KIAA1549: variants seen among roughly 807,000 people sequenced by gnomAD.
KIAA1549 encodes UPF0606 protein KIAA1549.
Under a neutral mutation model 156.4 loss-of-function variants are expected in KIAA1549, and 70 were observed. That is an observed-to-expected ratio of 0.45 (90% CI 0.37 to 0.55). The LOEUF (loss-of-function observed/expected upper bound fraction) is 0.55, where lower values mean the gene tolerates loss of function less well. Among genes scored for constraint, KIAA1549 ranks in the 20% least tolerant of loss-of-function variants. KIAA1549 has a pLI of 0.00. For synonymous variants in KIAA1549, 1,103 were observed against 1,066.4 expected (o/e 1.03, Z -0.67); for missense variants, 2,428 against 2,540.9 (o/e 0.96, Z 0.96).
intron 1 of KIAA1549, among the ~76,000 whole-genome samples, chr7:138,932,655 A>T (rs940214048): frequency 6.6e-6 from 1 of 152,210 alleles, no homozygotes; most frequent in Non-Finnish European, 1.5e-5. Context: ...ACTAGAGTTG[A>T]ACTTGAGATG....
At chr7:138,861,554 TA>T (rs904184749) in intron 15 of KIAA1549, 98 bp from the exon 16 acceptor site, 28 of 1,022,350 alleles carry the variant, frequency 2.7e-5, no homozygotes, top group Admixed American at 6.4e-5. Flanking sequence ...TCATAAGAAT[TA>T]AAAAATGACA....
chr7:138,910,993 C>T (rs1812154462), intron 4 of KIAA1549, among the ~76,000 whole-genome samples, 153 bp downstream of exon 4: 1 of 152,126 alleles, frequency 6.6e-6, no homozygotes, highest in South Asian at 2.1e-4. Flanking sequence ...AATCACACCA[C>T]TGCATTCCAG....
intron 16 of KIAA1549, among the ~76,000 whole-genome samples, chr7:138,856,027 ATTTAT>A (rs1217029838): frequency 2.0e-5 from 3 of 149,142 alleles, no homozygotes; most frequent in African/African-American, 7.5e-5. Context: ...TTTTTTTATT[ATTTAT>A]TTTATTTTTT....
chr7:138,922,193 T>C (rs983898844), intron 1 of KIAA1549, among the ~76,000 whole-genome samples: 5 of 152,248 alleles, frequency 3.3e-5, no homozygotes, highest in African/African-American at 1.2e-4. Context: ...ATCCCGAGTG[T>C]GGAACCTATA....
chr7:138,960,218 T>C (rs1813796215), intron 1 of KIAA1549, among the ~76,000 whole-genome samples: 1 of 152,036 alleles, frequency 6.6e-6, no homozygotes, highest in African/African-American at 2.4e-5. Flanking sequence ...GGAGGATCAC[T>C]TGAGGCCAGG....
intron 12 of KIAA1549, among the ~76,000 whole-genome samples, chr7:138,873,284 G>A (rs1229031551): frequency 6.6e-6 from 1 of 152,168 alleles, no homozygotes; most frequent in Non-Finnish European, 1.5e-5. Flanking sequence ...ACCATTGTCT[G>A]GACTCCAGCT....
chr7:138,866,143 T>C (rs1810732714), intron 15 of KIAA1549, among the ~76,000 whole-genome samples: 1 of 152,186 alleles, frequency 6.6e-6, no homozygotes, highest in Non-Finnish European at 1.5e-5. Flanking sequence ...CAATTCCTCG[T>C]ACTGAGGAAG....
chr7:138,881,220 C>T (rs886162729), intron 11 of KIAA1549, among the ~76,000 whole-genome samples, 168 bp downstream of exon 11: 1 of 152,134 alleles, frequency 6.6e-6, no homozygotes, highest in Admixed American at 6.5e-5. Context: ...GTGAGAGTGG[C>T]TCGGAAACAC....
chr7:138,946,593 A>C (rs1157974244), intron 1 of KIAA1549, among the ~76,000 whole-genome samples: 1 of 152,196 alleles, frequency 6.6e-6, no homozygotes, highest in Non-Finnish European at 1.5e-5. Context: ...CAGCCTGAGC[A>C]ACATGAAGAA....
intron 17 of KIAA1549, among the ~76,000 whole-genome samples, chr7:138,849,428 C>T (rs1011297693): frequency 6.6e-6 from 1 of 152,056 alleles, no homozygotes; most frequent in Non-Finnish European, 1.5e-5. Flanking sequence ...CACCTCACAA[C>T]ATTTGACATG....
chr7:138,868,156 G>A lies in KIAA1549; in HGVS notation c.4776-28C>T, dbSNP rs554570269. 58 of 1,601,276 alleles carry A rather than the reference G, an allele frequency of 3.6e-5. 1 individual carries two copies. The highest frequency in any genetic ancestry group is 7.8e-5 in the South Asian group (7 of 89,340). On this transcript the variant is annotated intron_variant, in intron 14 of 19. Transcript: ENST00000422774. ...GCCAGGAAAAAGAGAAATTATCTTC[G>A]TAGGAAATCACCCTTTTTGCCACTG... is the stretch of plus-strand genomic sequence containing the variant.
chr7:138,852,305 T>C, intron 16 of KIAA1549, 36 bp from the exon 17 acceptor site: 2 of 1,395,394 alleles, frequency 1.4e-6, no homozygotes, highest in Non-Finnish European at 2.0e-6. Flanking sequence ...AGATTAATAT[T>C]CAATACTTAT....
chr7:138,833,260 T>A lies in KIAA1549; in HGVS notation c.*4646A>T. ...CCAGCTTTCCTTCCAAACGACAAAT[T>A]CATTCATGTCTGAGAATCTAGTGTG... is the stretch of plus-strand genomic sequence containing the variant. On this transcript the variant is annotated 3_prime_UTR_variant, in exon 20 of 20. Transcript: ENST00000422774. 4.3e-6 allele frequency: 1 copy of A among 232,716 alleles called. No homozygotes were observed. Among genetic ancestry groups the A allele is most frequent in the Non-Finnish European group, 8.5e-6 (1 of 117,722 alleles). 14.4% of individuals were successfully genotyped at this position (232,716 alleles called of 1,614,324 possible).
intron 1 of KIAA1549, among the ~76,000 whole-genome samples, chr7:138,931,517 C>T (rs1417636184): frequency 6.6e-6 from 1 of 151,312 alleles, no homozygotes; most frequent in Non-Finnish European, 1.5e-5. Context: ...TTTGGGAGGC[C>T]GAGGTGGGTG....
Position 138,869,567 on chromosome 7 carries a change from CACGCTG to C in KIAA1549, c.4740_4745del (p.Ser1581_Val1582del). The stretch of plus-strand genomic sequence containing the variant: ...TCCTGGGCTCTATGAACACGGAGGG[CACGCTG>C]GCCGTGGGGTCCAGGATCTTGTCGA... On this transcript the variant is annotated inframe_deletion, in exon 14 of 20. Transcript: ENST00000422774. 1 of 1,583,912 alleles carries C rather than the reference CACGCTG, an allele frequency of 6.3e-7. No individual in the cohort carries two copies. Among genetic ancestry groups the C allele is most frequent in the Non-Finnish European group, 8.6e-7 (1 of 1,166,356 alleles).
At chr7:138,871,100 A>G (rs1810916855) in intron 13 of KIAA1549, 57 bp downstream of exon 13, 1 of 1,531,836 alleles carries the variant, frequency 6.5e-7, no homozygotes, top group Admixed American at 1.8e-5. Flanking sequence ...TACAGGCATA[A>G]GCCACCGGGC....
At chr7:138,931,776 A>G (rs886340421) in intron 1 of KIAA1549, among the ~76,000 whole-genome samples, 5 of 150,322 alleles carry the variant, frequency 3.3e-5, no homozygotes, top group Admixed American at 2.0e-4. Context: ...AAAAAAAAGA[A>G]GGTCTTGATT....
chr7:138,979,360 T>C (rs1814470918), intron 1 of KIAA1549, among the ~76,000 whole-genome samples: 1 of 152,150 alleles, frequency 6.6e-6, no homozygotes, highest in Non-Finnish European at 1.5e-5. Context: ...ACCTCTGCAG[T>C]ACACCCAGAT....
intron 1 of KIAA1549, among the ~76,000 whole-genome samples, chr7:138,939,404 A>C (rs540571586): frequency 6.6e-6 from 1 of 152,242 alleles, no homozygotes; most frequent in East Asian, 1.9e-4. Context: ...TTACTTTATA[A>C]CAGTTTTCTC....
Sources: gnomAD v4.1 joint callset for allele counts (sites outside exome capture counted in the v4.1 genomes callset) on GRCh38, gnomAD v4.1.1 for gene constraint, MANE v1.5 for transcripts, NCBI Gene and HGNC (gene_info 2026-07-23, HGNC 2026-07-21) for gene names.